GRID1: variants seen among roughly 807,000 people sequenced by gnomAD.
The protein encoded by GRID1 is glutamate receptor ionotropic, delta-1.
Under a neutral mutation model 98.0 loss-of-function variants are expected in GRID1, and 28 were observed. The observed-to-expected ratio is 0.29, with a 90% CI of 0.21 to 0.39. The LOEUF is 0.39. Among genes scored for constraint, GRID1 ranks in the 10% least tolerant of loss-of-function variants. The pLI is 1.00. For synonymous variants in GRID1, 553 were observed against 538.5 expected, an observed-to-expected ratio of 1.03 and a Z score of -0.37; for missense variants, 1,111 against 1,340.5, an observed-to-expected ratio of 0.83 and a Z score of 2.67.
At chr10:86,314,534 C>A (rs1302162333) in intron 2 of GRID1, among the ~76,000 whole-genome samples, 1 of 152,220 alleles carries the variant, frequency 6.6e-6, no homozygotes, top group East Asian at 1.9e-4. Flanking sequence ...CAGAGATGGG[C>A]AAGGAAGCTT....
At chr10:86,229,128 C>A (rs1564712690) in intron 2 of GRID1, among the ~76,000 whole-genome samples, 1 of 152,100 alleles carries the variant, frequency 6.6e-6, no homozygotes, top group African/African-American at 2.4e-5. Context: ...CTTTGTGAAC[C>A]CTGACTCAGC....
At position 85,692,037 on chromosome 10, in the gene GRID1, C is replaced by T. The variant is rs113330521; in HGVS notation, c.1997+30966G>A. Among the ~76,000 whole-genome samples the T allele has an allele frequency of 2.9e-3, 440 of 152,256 alleles. 3 individuals are homozygous for T. Among genetic ancestry groups the T allele is most frequent in the African/African-American group, 9.7e-3 (404 of 41,552 alleles). On this transcript the variant is annotated intron_variant, in intron 12 of 15. Transcript: ENST00000327946. ...GCAGCTTGTTCTCAGCAGCAGTTAT[C>T]CTTCTTGGTGGTTTCGTCAGTAGCT...
intron 12 of GRID1, among the ~76,000 whole-genome samples, chr10:85,661,401 G>C (rs1473123209): frequency 1.3e-5 from 2 of 152,206 alleles, no homozygotes; most frequent in Non-Finnish European, 2.9e-5. Context: ...CAGAAAAGCA[G>C]CATCATGCAC....
chr10:86,203,937 G>T (rs1018785964), intron 3 of GRID1, among the ~76,000 whole-genome samples: 1 of 152,114 alleles, frequency 6.6e-6, no homozygotes, highest in East Asian at 1.9e-4. Context: ...CCAACCAGCT[G>T]CAGTGGTCCT....
At chr10:85,623,128 T>G (rs569210090) in intron 13 of GRID1, among the ~76,000 whole-genome samples, 1 of 152,330 alleles carries the variant, frequency 6.6e-6, no homozygotes, top group East Asian at 1.9e-4. Flanking sequence ...TCCTCAGCCT[T>G]TCTCTTTCAA....
At chr10:86,314,903 G>T (rs544812504) in intron 2 of GRID1, among the ~76,000 whole-genome samples, 1 of 152,152 alleles carries the variant, frequency 6.6e-6, no homozygotes, top group Non-Finnish European at 1.5e-5. Context: ...AGCCACCAAG[G>T]CTTTGTGTTA....
chr10:86,238,195 G>A (rs991382626), intron 2 of GRID1, among the ~76,000 whole-genome samples: 3 of 152,222 alleles, frequency 2.0e-5, no homozygotes, highest in African/African-American at 7.2e-5. Context: ...CAAGATAATG[G>A]GGAAAATGCC....
At chr10:85,660,897 C>T (rs1041397787) in intron 12 of GRID1, among the ~76,000 whole-genome samples, 2 of 151,932 alleles carry the variant, frequency 1.3e-5, no homozygotes, top group African/African-American at 2.4e-5. Context: ...GCTCTGTGGC[C>T]GTGGATAAGC....
intron 8 of GRID1, among the ~76,000 whole-genome samples, chr10:85,842,152 G>A (rs1271972646): frequency 6.6e-6 from 1 of 152,056 alleles, no homozygotes; most frequent in Non-Finnish European, 1.5e-5. Flanking sequence ...CCACAAAAAA[G>A]AACAAGATCA....
At chr10:86,285,971 T>G (rs1847425294) in intron 2 of GRID1, among the ~76,000 whole-genome samples, 1 of 152,190 alleles carries the variant, frequency 6.6e-6, no homozygotes, top group African/African-American at 2.4e-5. Flanking sequence ...TTATTGTAGA[T>G]GTGGGTTTAG....
At chr10:86,074,481 T>A (rs1843852190) in intron 4 of GRID1, among the ~76,000 whole-genome samples, 1 of 152,258 alleles carries the variant, frequency 6.6e-6, no homozygotes, top group Non-Finnish European at 1.5e-5. Flanking sequence ...TGCAATGACA[T>A]AATTTCATTG....
At position 85,619,916 on chromosome 10, in the gene GRID1, C is replaced by T. The variant is rs780700526; in HGVS notation, c.2311G>A (p.Gly771Arg). 4 of 1,614,048 alleles carry T rather than the reference C, an allele frequency of 2.5e-6. No homozygotes were observed. Among genetic ancestry groups the T allele is most frequent in the Admixed American group, 1.7e-5 (1 of 60,006 alleles). ...GGGCTGCCATGCTGCAGGGCAATCC[C>T]GTAACCCTTGCTGCTGATGCTGTTG... The part of the protein sequence containing the change: ...IGNSISSKGY[G>R]IALQHGSPYR... Residue 771 changes from glycine to arginine, a missense_variant, in exon 14 of 16, where the codon GGG becomes AGG. Physicochemically the swap from Gly to Arg is moderately radical, Grantham distance 125. This residue lies in a region of GRID1 where 762 missense variants were observed against 869.1 expected (regional missense o/e 0.88). Transcript: ENST00000327946.
At chr10:85,770,730 G>T (rs1334111392) in intron 8 of GRID1, among the ~76,000 whole-genome samples, 4 of 152,144 alleles carry the variant, frequency 2.6e-5, no homozygotes, top group Admixed American at 1.3e-4. Flanking sequence ...TATCAGTGAT[G>T]GAAGATGAAA....
At chr10:85,941,487 C>T (rs1051842142) in intron 4 of GRID1, among the ~76,000 whole-genome samples, 5 of 152,164 alleles carry the variant, frequency 3.3e-5, no homozygotes, top group Non-Finnish European at 5.9e-5. Flanking sequence ...GTTATATCTA[C>T]ATGGTGGGAA....
intron 4 of GRID1, among the ~76,000 whole-genome samples, chr10:85,951,000 T>C (rs908927095): frequency 2.6e-5 from 4 of 151,820 alleles, no homozygotes; most frequent in East Asian, 2.0e-4. Context: ...CCCCATTCCA[T>C]TGGGAAATGG....
At chr10:86,266,225 C>T (rs1215171819) in intron 2 of GRID1, among the ~76,000 whole-genome samples, 1 of 152,072 alleles carries the variant, frequency 6.6e-6, no homozygotes, top group Non-Finnish European at 1.5e-5. Context: ...CCCTAACACA[C>T]CTATGACCCC....
chr10:86,311,285 T>C (rs891993309), intron 2 of GRID1, among the ~76,000 whole-genome samples: 1 of 152,176 alleles, frequency 6.6e-6, no homozygotes, highest in Non-Finnish European at 1.5e-5. Context: ...TGAAAGGCCA[T>C]GCTCTTTCCA....
chr10:85,615,782 T>G (rs990651867), intron 14 of GRID1, among the ~76,000 whole-genome samples: 1 of 152,196 alleles, frequency 6.6e-6, no homozygotes, highest in African/African-American at 2.4e-5. Context: ...CTGGCCTTAA[T>G]AAGTCTCTGC....
At chr10:86,034,949 G>GATGC (rs1554848277) in intron 4 of GRID1, among the ~76,000 whole-genome samples, 1,768 of 151,590 alleles carry the variant, frequency 0.012, 47 homozygotes, top group African/African-American at 0.039. Context: ...TGGATGGATG[G>GATGC]ATGGATAGAT....
Sources: gnomAD v4.1 joint callset for allele counts (sites outside exome capture counted in the v4.1 genomes callset) on GRCh38, gnomAD v4.1.1 for gene constraint, gnomAD v4.1.1 regional missense constraint, MANE v1.5 for transcripts, NCBI Gene and HGNC (gene_info 2026-07-23, HGNC 2026-07-21) for gene names.